Variants in ADAM9 observed in about 807,000 individuals in gnomAD.
The protein encoded by ADAM9 is disintegrin and metalloproteinase domain-containing protein 9.
In ADAM9, 54 loss-of-function variants were observed where a neutral mutation model predicts 108.1. The observed-to-expected ratio is 0.50, with a 90% confidence interval of 0.40 to 0.63. ADAM9 has a LOEUF of 0.63. Ranked by LOEUF, ADAM9 falls within the 20% of genes least tolerant of loss-of-function variation. The probability of loss-of-function intolerance (pLI) is 0.00; values close to 1 mark genes in which losing one functional copy is unlikely to be tolerated. For missense variants in ADAM9, 830 were observed against 997.7 expected (o/e 0.83, Z 2.26); for synonymous variants, 316 against 336.0 (o/e 0.94, Z 0.65).
chr8:39,011,761 A>G (rs770629380), intron 3 of ADAM9, 45 bp downstream of exon 3: 7 of 1,527,882 alleles, frequency 4.6e-6, no homozygotes, highest in East Asian at 4.5e-5. Context: ...TGTTTTTCCA[A>G]TAGTATATTG....
At chr8:39,037,634 C>G (rs1039395483) in intron 11 of ADAM9, among the ~76,000 whole-genome samples, 2 of 151,652 alleles carry the variant, frequency 1.3e-5, no homozygotes, top group African/African-American at 4.8e-5. Context: ...CCCAGGTGGC[C>G]TTGAATTCCT....
In ADAM9 at chr8:39,054,163, G is replaced by C. The variant is rs1258775333; in HGVS notation, c.1303-318G>C. On this transcript the variant is annotated intron_variant, in intron 12 of 21. Coordinates refer to ENST00000487273, the MANE Select transcript of ADAM9 (RefSeq NM_003816.3). ...TAGAAACTGAACTAGTAGGAACCTT[G>C]ATCTTGGATTTCTAGCCTCAAGAAC... Among the ~76,000 whole-genome samples the C allele has an allele frequency of 3.3e-5, 5 of 152,260 alleles. No individual in the cohort carries two copies. In the East Asian group the frequency reaches 9.6e-4, roughly 29 times the overall value.
At chr8:39,007,047 G>C (rs560809101) in intron 1 of ADAM9, among the ~76,000 whole-genome samples, 1 of 152,158 alleles carries the variant, frequency 6.6e-6, no homozygotes, top group African/African-American at 2.4e-5. Flanking sequence ...AAGAAAAGAG[G>C]TTTATTTGAT....
chr8:39,072,584 G>T (rs1838730546), intron 15 of ADAM9, among the ~76,000 whole-genome samples: 1 of 152,176 alleles, frequency 6.6e-6, no homozygotes, highest in African/African-American at 2.4e-5. Context: ...TCCTCTCTGA[G>T]AAGCTCCAGC....
Position 39,045,105 on chromosome 8 carries a change from C to T in ADAM9, c.1302+2988C>T, listed in dbSNP as rs1427499353. Among the ~76,000 whole-genome samples, 18 of 14,456 alleles carry T rather than the reference C, an allele frequency of 1.2e-3. 4 individuals carry two copies. Among genetic ancestry groups the T allele is most frequent in the East Asian group, 5.2e-3 (1 of 194 alleles). The allele number at this position is 14,456 out of a possible 152,430, so 9.5% of individuals were successfully genotyped here. ...GTGCATACATACATATGTGTGTGTG[C>T]ATACATACATATGTGTGTGTGCATA... is the stretch of plus-strand genomic sequence containing the variant. On this transcript the variant is annotated intron_variant, in intron 12 of 21. Coordinates refer to ENST00000487273, the MANE Select transcript of ADAM9 (RefSeq NM_003816.3).
At chr8:39,072,631 C>T (rs1192642171) in intron 15 of ADAM9, among the ~76,000 whole-genome samples, 1 of 152,212 alleles carries the variant, frequency 6.6e-6, no homozygotes, top group Non-Finnish European at 1.5e-5. Context: ...CCACAGGGCT[C>T]TGCACCTGCT....
chr8:39,073,515 G>A (rs748524079), intron 15 of ADAM9, among the ~76,000 whole-genome samples: 1 of 152,146 alleles, frequency 6.6e-6, no homozygotes, highest in Non-Finnish European at 1.5e-5. Context: ...TAAACTGTAA[G>A]GTTCAGTGAC....
At chr8:39,072,447 A>G (rs1240537216) in intron 15 of ADAM9, among the ~76,000 whole-genome samples, 1 of 152,232 alleles carries the variant, frequency 6.6e-6, no homozygotes, top group Non-Finnish European at 1.5e-5. Flanking sequence ...ACCTGTCAGT[A>G]GCATTCAATT....
rs184880439 is a variant in ADAM9, at chr8:39,009,306, C to A, written c.195+1323C>A. Among the ~76,000 whole-genome samples the A allele has an allele frequency of 1.8e-3, 274 of 152,374 alleles. 1 individual carries two copies. Among genetic ancestry groups the A allele is most frequent in the Non-Finnish European group, 3.0e-3 (202 of 68,040 alleles). On this transcript the variant is annotated intron_variant, in intron 2 of 21. Transcript: ENST00000487273. The stretch of plus-strand genomic sequence containing the variant: ...CAGTTAATCCCTGTTTGGGTGCGAT[C>A]TTGGCTCACTGCAGCCTCCGCCTCC...
intron 12 of ADAM9, among the ~76,000 whole-genome samples, chr8:39,045,421 C>CACACCTATATGTGCGTGTGTGT (rs1837709400): frequency 2.1e-4 from 13 of 62,836 alleles, no homozygotes; most frequent in Admixed American, 3.5e-4. Flanking sequence ...CGCGTGTGTA[C>CACACCTATATGTGCGTGTGTGT]ACACACCTAT....
In ADAM9 at chr8:39,103,996, G is replaced by A. The variant is rs1434658023; in HGVS notation, c.*296G>A. On this transcript the variant is annotated 3_prime_UTR_variant, in exon 22 of 22. Coordinates refer to ENST00000487273, the MANE Select transcript of ADAM9 (RefSeq NM_003816.3). ...TCATGGATTTTTTGAACATGTTATT[G>A]CAGTGATTCTCAAATTAACTGTATT... 1.8e-6 allele frequency: 1 copy of A among 556,106 alleles called. No homozygotes were observed. Among genetic ancestry groups the A allele is most frequent in the African/African-American group, 1.9e-5 (1 of 53,690 alleles). The allele number at this position is 556,106 out of a possible 1,614,324, so 34.4% of individuals were successfully genotyped here.
chr8:39,009,458 C>G (rs865957293), intron 2 of ADAM9, among the ~76,000 whole-genome samples: 1 of 152,102 alleles, frequency 6.6e-6, no homozygotes, highest in African/African-American at 2.4e-5. Flanking sequence ...AGGCTGGTCT[C>G]GAACTCTTGG....
chr8:39,067,133 C>T (rs1310961740), intron 14 of ADAM9, among the ~76,000 whole-genome samples: 2 of 152,146 alleles, frequency 1.3e-5, no homozygotes, highest in African/African-American at 4.8e-5. Flanking sequence ...GTACCAGTAC[C>T]ATGCTATTTT....
rs372439427 is a variant in ADAM9 at position 39,016,532 on chromosome 8, A to G, written c.410+338A>G. Reference sequence around the variant, plus strand: ...TTAAGACTTGTATTTAAGTCTTATTATGACTGTGAATAAGAGCTCATTATC... The same window carrying G: ...TTAAGACTTGTATTTAAGTCTTATTGTGACTGTGAATAAGAGCTCATTATC... On this transcript the variant is annotated intron_variant, in intron 5 of 21. Coordinates refer to ENST00000487273, the MANE Select transcript of ADAM9 (RefSeq NM_003816.3). 2.0e-4 allele frequency among the ~76,000 whole-genome samples: 31 copies of G among 152,292 alleles called. No individual in the cohort carries two copies. The South Asian group carries it at 6.2e-3, about 31-fold the overall frequency.
chr8:39,044,324 A>G (rs1837544181), intron 12 of ADAM9, among the ~76,000 whole-genome samples: 1 of 152,078 alleles, frequency 6.6e-6, no homozygotes, highest in African/African-American at 2.4e-5. Context: ...CCAGTTTTCC[A>G]CGGGGGAAGG....
At chr8:39,024,709 CTG>C (rs1297076454) in intron 9 of ADAM9, among the ~76,000 whole-genome samples, 1 of 152,130 alleles carries the variant, frequency 6.6e-6, no homozygotes, top group African/African-American at 2.4e-5. Context: ...GTGAACAAAA[CTG>C]GCAAAAATTC....
chr8:39,097,898 C>T (rs1389217342), intron 20 of ADAM9, among the ~76,000 whole-genome samples: 1 of 152,174 alleles, frequency 6.6e-6, no homozygotes, highest in Non-Finnish European at 1.5e-5. Flanking sequence ...ATGTGTGGAG[C>T]ACTGAGAAGT....
chr8:39,017,420 G>A lies in ADAM9; in HGVS notation c.606+6G>A, dbSNP rs781401721. 1.2e-5 allele frequency: 20 copies of A among 1,612,660 alleles called. No homozygotes were observed. Among genetic ancestry groups the A allele is most frequent in the Middle Eastern group, 1.6e-4 (1 of 6,080 alleles). ...GCATGACTCAGCTACTTCGAGTAAGGAAATAACATAATTCTTCATGGCTCA... is the reference window on the plus strand; with the variant it reads ...GCATGACTCAGCTACTTCGAGTAAGAAAATAACATAATTCTTCATGGCTCA... On this transcript the variant is annotated splice_donor_region_variant and intron_variant, in intron 6 of 21. Coordinates refer to ENST00000487273, the MANE Select transcript of ADAM9 (RefSeq NM_003816.3).
At chr8:39,090,897 C>G (rs574463307) in intron 19 of ADAM9, among the ~76,000 whole-genome samples, 27 of 152,248 alleles carry the variant, frequency 1.8e-4, no homozygotes, top group Non-Finnish European at 2.9e-4. Flanking sequence ...CATTCACTAC[C>G]CTTGGATTTC....
Sources: gnomAD v4.1 joint callset for allele counts (sites outside exome capture counted in the v4.1 genomes callset) on GRCh38, gnomAD v4.1.1 for gene constraint, MANE v1.5 for transcripts, NCBI Gene and HGNC (gene_info 2026-07-23, HGNC 2026-07-21) for gene names.